PHF21B: variants seen among roughly 807,000 people sequenced by gnomAD.
PHF21B encodes the protein PHD finger protein 4.
A neutral mutation model predicts 62.2 loss-of-function variants in PHF21B; 22 were observed. That is an observed-to-expected ratio of 0.35 (90% confidence interval 0.25 to 0.51). The LOEUF is 0.51. Ranked by LOEUF, PHF21B falls within the 20% of genes least tolerant of loss-of-function variation. The probability of loss-of-function intolerance (pLI) is 0.97; values close to 1 mark genes in which losing one functional copy is unlikely to be tolerated. For missense variants in PHF21B, 701 were observed against 707.9 expected, an observed-to-expected ratio of 0.99 and a Z score of 0.11; for synonymous variants, 341 against 314.7, an observed-to-expected ratio of 1.08 and a Z score of -0.88.
chr22:44,928,462 T>C (rs1361989680), intron 2 of PHF21B, among the ~76,000 whole-genome samples: 1 of 152,188 alleles, frequency 6.6e-6, no homozygotes, highest in Non-Finnish European at 1.5e-5. Flanking sequence ...CAGGCTGCAG[T>C]GCAATAGCGT....
At chr22:44,946,594 A>AGATGGATGGACAGTGGTTGTATG (rs2072077710) in intron 2 of PHF21B, among the ~76,000 whole-genome samples, 1 of 151,956 alleles carries the variant, frequency 6.6e-6, no homozygotes, top group African/African-American at 2.4e-5. Context: ...ATGGACGGGT[A>AGATGGATGGACAGTGGTTGTATG]GATGGATGGA....
intron 2 of PHF21B, among the ~76,000 whole-genome samples, chr22:44,947,783 G>A (rs1484606277): frequency 2.0e-5 from 3 of 152,178 alleles, no homozygotes; most frequent in Admixed American, 2.0e-4. Context: ...GCTCCCGGAA[G>A]CTCAGATATG....
At chr22:44,963,580 A>T (rs931878045) in intron 2 of PHF21B, among the ~76,000 whole-genome samples, 1 of 152,210 alleles carries the variant, frequency 6.6e-6, no homozygotes, top group African/African-American at 2.4e-5. Context: ...AAGAGAACGG[A>T]TAAGAAGATG....
intron 2 of PHF21B, among the ~76,000 whole-genome samples, chr22:44,923,068 A>G (rs2071565703): frequency 1.3e-5 from 2 of 152,224 alleles, no homozygotes; most frequent in African/African-American, 2.4e-5. Context: ...AAGATTTAAC[A>G]TTATCTGACT....
intron 2 of PHF21B, among the ~76,000 whole-genome samples, chr22:44,937,350 ACAG>A (rs2071870200): frequency 1.3e-5 from 2 of 152,222 alleles, no homozygotes; most frequent in African/African-American, 4.8e-5. Flanking sequence ...CGGAGACATC[ACAG>A]CCAGGCGGCC....
chr22:44,994,895 C>T (rs561524634), intron 2 of PHF21B, among the ~76,000 whole-genome samples: 27 of 152,356 alleles, frequency 1.8e-4, no homozygotes, highest in African/African-American at 5.8e-4. Context: ...AGCGCCAGGG[C>T]GAGAATCAGC....
At chr22:44,884,191 TCAC>T (rs1439440871) in intron 12 of PHF21B, among the ~76,000 whole-genome samples, 2 of 132,332 alleles carry the variant, frequency 1.5e-5, no homozygotes, top group Middle Eastern at 5.0e-3. Context: ...ATTACCACCA[TCAC>T]CACCACGATC....
rs1210894453 is a variant in PHF21B, at chr22:45,003,850, T to C, written c.120+4695A>G. On this transcript the variant is annotated intron_variant, in intron 2 of 12. Transcript: ENST00000313237. ...GTGCTGATACGTGCTACAACTTGCA[T>C]GGAGCCTGAATCATTAAGTGCAACA... 2.0e-5 allele frequency among the ~76,000 whole-genome samples: 3 copies of C among 152,208 alleles called. No homozygotes were observed. In the East Asian group the frequency reaches 5.8e-4, roughly 29 times the overall value.
At chr22:44,993,007 T>A (rs1231768839) in intron 2 of PHF21B, among the ~76,000 whole-genome samples, 1 of 152,212 alleles carries the variant, frequency 6.6e-6, no homozygotes, top group Non-Finnish European at 1.5e-5. Context: ...CATGGGACTC[T>A]GCATCCTCAC....
intron 5 of PHF21B, among the ~76,000 whole-genome samples, chr22:44,903,169 C>G (rs1435365814): frequency 6.6e-6 from 1 of 152,216 alleles, no homozygotes; most frequent in African/African-American, 2.4e-5. Flanking sequence ...AGCACATTCT[C>G]TCTATATTAT....
chr22:44,941,039 T>C (rs922930904), intron 2 of PHF21B, among the ~76,000 whole-genome samples: 18 of 152,312 alleles, frequency 1.2e-4, no homozygotes, highest in African/African-American at 4.3e-4. Flanking sequence ...TCGTGAACAG[T>C]AACAACCCAC....
intron 2 of PHF21B, among the ~76,000 whole-genome samples, chr22:44,945,521 C>T (rs2072050263): frequency 6.6e-6 from 1 of 152,164 alleles, no homozygotes; most frequent in African/African-American, 2.4e-5. Context: ...ACAGTGCCCA[C>T]ACAGCTGGGG....
At chr22:44,971,858 T>C (rs1224037265) in intron 2 of PHF21B, among the ~76,000 whole-genome samples, 1 of 152,238 alleles carries the variant, frequency 6.6e-6, no homozygotes, top group Non-Finnish European at 1.5e-5. Context: ...ATGTCTGTCG[T>C]TCCTTGCATA....
At chr22:44,914,968 T>C (rs2147299874) in intron 4 of PHF21B, among the ~76,000 whole-genome samples, 1 of 152,352 alleles carries the variant, frequency 6.6e-6, no homozygotes, top group East Asian at 1.9e-4. Flanking sequence ...CCAGGATCCA[T>C]CAGCCACAGT....
At chr22:44,966,257 G>A (rs1033685975) in intron 2 of PHF21B, among the ~76,000 whole-genome samples, 3 of 152,330 alleles carry the variant, frequency 2.0e-5, no homozygotes, top group East Asian at 1.9e-4. Context: ...CCAACCACGC[G>A]ACGAGCCCTG....
At chr22:44,936,446 C>T (rs1388437889) in intron 2 of PHF21B, among the ~76,000 whole-genome samples, 1 of 152,220 alleles carries the variant, frequency 6.6e-6, no homozygotes, top group Admixed American at 6.5e-5. Flanking sequence ...TCCCCAGCCC[C>T]TCTCCTTCGA....
intron 4 of PHF21B, among the ~76,000 whole-genome samples, 189 bp from the exon 5 acceptor site, chr22:44,914,277 C>CT (rs1171332856): frequency 1.3e-5 from 2 of 152,128 alleles, no homozygotes; most frequent in Non-Finnish European, 2.9e-5. Flanking sequence ...CCTGACACAC[C>CT]TTTTCCACCA....
chr22:44,969,495 G>A (rs1327055775), intron 2 of PHF21B, among the ~76,000 whole-genome samples: 7 of 152,106 alleles, frequency 4.6e-5, no homozygotes, highest in Non-Finnish European at 7.4e-5. Flanking sequence ...GTGAAACTCC[G>A]TCTCTACTAA....
chr22:44,955,702 A>AT (rs2072282243), intron 2 of PHF21B, among the ~76,000 whole-genome samples: 1 of 152,258 alleles, frequency 6.6e-6, no homozygotes, highest in Non-Finnish European at 1.5e-5. Flanking sequence ...TTTGGACTGA[A>AT]TGACAGCACC....
Sources: allele counts gnomAD v4.1 joint callset (sites outside exome capture counted in the v4.1 genomes callset), GRCh38; gene constraint gnomAD v4.1.1; transcripts MANE v1.5; gene names NCBI Gene and HGNC (gene_info 2026-07-23, HGNC 2026-07-21).